GUK1: variants seen among roughly 807,000 people sequenced by gnomAD.
The protein encoded by GUK1 is guanylate kinase.
Under a neutral mutation model 25.2 loss-of-function variants are expected in GUK1, and 18 were observed. The observed-to-expected ratio is 0.71, with a 90% CI of 0.49 to 1.06. The LOEUF (loss-of-function observed/expected upper bound fraction) is 1.06, where lower values mean the gene tolerates loss of function less well. Among genes scored for constraint, GUK1 ranks in the 50% least tolerant of loss-of-function variants. The pLI, the probability that GUK1 is intolerant of heterozygous loss-of-function variation, is 0.00. For missense variants in GUK1, 261 were observed against 276.7 expected, an observed-to-expected ratio of 0.94 and a Z score of 0.40; for synonymous variants, 105 against 117.6, an observed-to-expected ratio of 0.89 and a Z score of 0.69.
intron 2 of GUK1, among the ~76,000 whole-genome samples, chr1:228,142,310 G>C (rs555409059): frequency 4.7e-4 from 71 of 152,306 alleles, no homozygotes; most frequent in African/African-American, 1.7e-3. Context: ...CCCGTCCAGA[G>C]TTCTTGGCAA....
chr1:228,140,209 G>T (rs952518158), upstream of GUK1: 21 of 1,008,002 alleles, frequency 2.1e-5, no homozygotes, highest in Non-Finnish European at 3.1e-5. Context: ...CATGGGCGGG[G>T]CAGTCGCCTC....
At chr1:228,148,514 C>A in intron 8 of GUK1, 58 bp downstream of exon 7, 3 of 1,441,166 alleles carry the variant, frequency 2.1e-6, no homozygotes, top group Non-Finnish European at 2.8e-6. Flanking sequence ...GGGGGCCAGG[C>A]CTTTGTTGTC....
In GUK1 at chr1:228,148,911, G is replaced by A; in HGVS notation, c.*214G>A. On this transcript the variant is annotated 3_prime_UTR_variant, in exon 9 of 9. Transcript: ENST00000312726. ...CCCTATCTCTCACTCTGGACCCAGGGCTGACATCCTAATAAAATAACTGTT... is the reference window on the plus strand; with the variant it reads ...CCCTATCTCTCACTCTGGACCCAGGACTGACATCCTAATAAAATAACTGTT... 1 of 1,192,152 alleles carries A rather than the reference G, an allele frequency of 8.4e-7. No homozygotes were observed. Among genetic ancestry groups the A allele is most frequent in the Non-Finnish European group, 1.2e-6 (1 of 856,310 alleles). 73.8% of individuals were successfully genotyped at this position (1,192,152 alleles called of 1,614,324 possible).
At chr1:228,146,215 C>A in intron 4 of GUK1, 148 bp downstream of exon 3, 1 of 626,250 alleles carries the variant, frequency 1.6e-6, no homozygotes, top group East Asian at 2.8e-5. Context: ...GGCCGGTGAA[C>A]TCAATCAGGG....
intron 7 of GUK1, 112 bp from the exon 7 acceptor site, chr1:228,148,259 C>CACAGCCGCAGTGAGG (rs2034510814): frequency 7.3e-6 from 6 of 820,980 alleles, no homozygotes; most frequent in South Asian, 1.4e-5. Flanking sequence ...AAAGCTGTCC[C>CACAGCCGCAGTGAGG]ACAGCCGCAG....
rs564711457 is a variant in GUK1 at position 228,147,012 on chromosome 1, C to T, written c.251+74C>T. 5.5e-5 allele frequency: 55 copies of T among 993,538 alleles called. No homozygotes were observed. In the East Asian group the frequency reaches 1.2e-3, roughly 22 times the overall value. The allele number at this position is 993,538 out of a possible 1,614,324, so 61.5% of individuals were successfully genotyped here. On this transcript the variant is annotated intron_variant, in intron 5 of 8. Transcript: ENST00000312726. Reference sequence around the variant, plus strand: ...CAGGGATCCAGGTAGTGCCTGCTGCCTGCCCGCCATCCACACCACCCACCC... The same window carrying T: ...CAGGGATCCAGGTAGTGCCTGCTGCTTGCCCGCCATCCACACCACCCACCC...
At chr1:228,147,941 G>T (rs949858750) in intron 7 of GUK1, 1 of 583,278 alleles carries the variant, frequency 1.7e-6, no homozygotes, top group Non-Finnish European at 3.0e-6. Context: ...CAGAGTCTCC[G>T]TGAGGGCCCC....
rs150774867 is a variant in GUK1, at chr1:228,147,653, G to A, written c.429G>A (p.Glu143=). Residue 143 remains glutamate, a synonymous_variant, in exon 7 of 9, where the codon GAG becomes GAA. Transcript: ENST00000312726. The stretch of plus-strand genomic sequence containing the variant: ...GGCAGCGCAACACTGAAACCGAGGA[G>A]AGCCTGGTGAAGCGGCTGGCTGCTG... 27 of 1,612,942 alleles carry A rather than the reference G, an allele frequency of 1.7e-5. No individual in the cohort carries two copies. The African/African-American group carries it at 3.3e-4, about 20-fold the overall frequency.
chr1:228,142,613 G>T (rs1483525631), intron 2 of GUK1, among the ~76,000 whole-genome samples: 1 of 152,162 alleles, frequency 6.6e-6, no homozygotes, highest in African/African-American at 2.4e-5. Context: ...CTCTGTGCTG[G>T]GTTGCATCTG....
At position 228,141,168 on chromosome 1, in the gene GUK1, C is replaced by A; in HGVS notation, c.-123C>A. On this transcript the variant is annotated 5_prime_UTR_variant, in exon 2 of 9. Coordinates refer to ENST00000312726, the MANE Select transcript of GUK1 (RefSeq NM_000858.7). ...TGGGGTTGCTGTCGAGGACCCTGTG[C>A]AAGACTCGGCCGGTTTTTCTTTCTC... 1.0e-6 allele frequency: 1 copy of A among 985,410 alleles called. No individual in the cohort carries two copies. Among genetic ancestry groups the A allele is most frequent in the Non-Finnish European group, 1.2e-6 (1 of 829,868 alleles). The allele number at this position is 985,410 out of a possible 1,614,324, so 61.0% of individuals were successfully genotyped here.
chr1:228,142,403 G>A (rs984856516), intron 2 of GUK1, among the ~76,000 whole-genome samples: 2 of 152,204 alleles, frequency 1.3e-5, no homozygotes, highest in Non-Finnish European at 2.9e-5. Context: ...CGAGGCTGGA[G>A]CCTGGACCCC....
intron 4 of GUK1, 150 bp downstream of exon 3, chr1:228,146,217 C>G: frequency 3.2e-6 from 2 of 621,860 alleles, no homozygotes; most frequent in Non-Finnish European, 5.9e-6. Flanking sequence ...CCGGTGAACT[C>G]AATCAGGGTG....
chr1:228,140,226 T>C (rs1242374520), upstream of GUK1: 3 of 1,229,094 alleles, frequency 2.4e-6, no homozygotes, highest in African/African-American at 1.5e-5. Context: ...CCTCATGACG[T>C]CAGTCTCGCG....
chr1:228,144,817 A>G (rs1368272650), intron 2 of GUK1: 1 of 666,294 alleles, frequency 1.5e-6, no homozygotes. Flanking sequence ...CTCACCTGCC[A>G]CGTGTCCAAG....
chr1:228,144,006 G>A (rs1456091026), intron 2 of GUK1, among the ~76,000 whole-genome samples: 2 of 152,170 alleles, frequency 1.3e-5, no homozygotes, highest in Non-Finnish European at 2.9e-5. Context: ...ACATGTATGC[G>A]TGTGCATGTG....
In GUK1 at chr1:228,146,331, G is replaced by C. The variant is rs1286396959; in HGVS notation, c.154+264G>C. On this transcript the variant is annotated intron_variant, in intron 4 of 8. Transcript: ENST00000312726. ...CCTTGGAGGCGGCCACAGTGCTGCT[G>C]TCCCCAGCCCTGTCCTGGACTCGGC... is the stretch of plus-strand genomic sequence containing the variant. The C allele has an allele frequency of 5.4e-6, 3 of 552,828 alleles. No individual in the cohort carries two copies. The African/African-American group carries it at 5.7e-5, about 10-fold the overall frequency. The allele number at this position is 552,828 out of a possible 1,614,324, so 34.2% of individuals were successfully genotyped here.
In GUK1 at chr1:228,147,606, C is replaced by G. The variant is rs772951697; in HGVS notation, c.391-9C>G. 1.9e-6 allele frequency: 3 copies of G among 1,613,194 alleles called. No individual in the cohort carries two copies. The highest frequency in any genetic ancestry group is 2.5e-6 in the Non-Finnish European group (3 of 1,179,860). On this transcript the variant is annotated splice_polypyrimidine_tract_variant and intron_variant, in intron 6 of 8. Coordinates refer to ENST00000312726, the MANE Select transcript of GUK1 (RefSeq NM_000858.7). ...GCATGCCAGGCTCTGATTGCCACCC[C>G]CTTTTTAGGAGCAGCGGCTGCGGCA... is the stretch of plus-strand genomic sequence containing the variant.
chr1:228,140,597 G>A (rs926056518), intron 1 of GUK1, among the ~76,000 whole-genome samples: 6 of 152,276 alleles, frequency 3.9e-5, no homozygotes, highest in African/African-American at 1.2e-4. Flanking sequence ...TGGGCAGGCC[G>A]GCAGTTATCG....
At chr1:228,146,284 G>T (rs780256752) in intron 4 of GUK1, 11 of 563,566 alleles carry the variant, frequency 2.0e-5, no homozygotes, top group Non-Finnish European at 3.2e-5. Context: ...GCCGGCCAAG[G>T]CCTGGGGCTG....
Sources: allele counts gnomAD v4.1 joint callset (sites outside exome capture counted in the v4.1 genomes callset), GRCh38; gene constraint gnomAD v4.1.1; transcripts MANE v1.5; gene names NCBI Gene and HGNC (gene_info 2026-07-23, HGNC 2026-07-21).